CDON: variants seen among roughly 807,000 people sequenced by gnomAD.
CDON encodes cell adhesion associated, oncogene regulated, also known as cell adhesion molecule-related/down-regulated by oncogenes.
Under a neutral mutation model 120.9 loss-of-function variants are expected in CDON, and 73 were observed. The observed-to-expected ratio is 0.60, with a 90% CI of 0.50 to 0.73. The LOEUF (loss-of-function observed/expected upper bound fraction) is 0.73, where lower values mean the gene tolerates loss of function less well. Among genes scored for constraint, CDON ranks in the 30% least tolerant of loss-of-function variants. CDON has a pLI of 0.00. For synonymous variants in CDON, 566 were observed against 573.5 expected (o/e 0.99, Z 0.19); for missense variants, 1,470 against 1,587.3 (o/e 0.93, Z 1.26).
At position 125,961,877 on chromosome 11, in the gene CDON, A is replaced by G. The variant is rs746206383; in HGVS notation, c.3478T>C (p.Cys1160Arg). 3.1e-6 allele frequency: 5 copies of G among 1,614,094 alleles called. No individual in the cohort carries two copies. The highest frequency in any genetic ancestry group is 4.2e-6 in the Non-Finnish European group (5 of 1,180,032). Residue 1160 changes from cysteine to arginine, a missense_variant, in exon 19 of 20, where the codon TGC (cysteine) becomes CGC (arginine). Transcript: ENST00000531738. ...CAATCAGGGACTGCGGAAGTCAGGC[A>G]TACAGGCACCTTCACGTGACTGAGG... Reference protein sequence around the residue: ...KPLSHVKVPVCLTSAVPDCGQ... With the variant: ...KPLSHVKVPVRLTSAVPDCGQ...
At chr11:125,992,049 TGAGA>T (rs1250654651) in intron 14 of CDON, among the ~76,000 whole-genome samples, 1 of 152,104 alleles carries the variant, frequency 6.6e-6, no homozygotes, top group African/African-American at 2.4e-5. Context: ...GTGATGATGA[TGAGA>T]GAGAGAAAAA....
chr11:126,005,764 G>A lies in CDON; in HGVS notation c.1846C>T (p.Arg616Ter). The stretch of plus-strand genomic sequence containing the variant: ...GATAAACGACAAGACATTACCTTTC[G>A]ATACTTCACAAAGTAAGCATTGATG... Reference protein sequence around the residue: ...LPINAYFVKYRKLDDGVGMLG... With the variant: ...LPINAYFVKY Residue 616 changes from arginine to a stop codon, truncating the protein, a stop_gained, in exon 9 of 20, where the codon CGA becomes TGA. Coordinates refer to ENST00000531738, the MANE Select transcript of CDON (RefSeq NM_001378964.1). LOFTEE classifies it high-confidence loss of function. The A allele has an allele frequency of 1.9e-6, 3 of 1,613,002 alleles. No homozygotes were observed. The highest frequency in any genetic ancestry group is 2.5e-6 in the Non-Finnish European group (3 of 1,179,824).
rs139588649 is a variant in CDON, at chr11:125,961,011, T to G, written c.3726A>C (p.Thr1242=). 8.3e-4 allele frequency: 1,345 copies of G among 1,614,164 alleles called. 1 individual carries two copies. Among genetic ancestry groups the G allele is most frequent in the Non-Finnish European group, 9.6e-4 (1,127 of 1,179,994 alleles). ...PPVPEGCAEK[T]MWSPPGIPLD... is the part of the protein sequence containing the mutation. Reference sequence around the variant, plus strand: ...AAGGAATGCCAGGTGGAGACCACATTGTCTTCTCAGCACAGCCCTCGGGGA... The same window carrying G: ...AAGGAATGCCAGGTGGAGACCACATGGTCTTCTCAGCACAGCCCTCGGGGA... The change falls in exon 20 of 20, where the codon ACA becomes ACC. Residue 1242 remains threonine (T), a synonymous_variant. Coordinates refer to ENST00000531738, the MANE Select transcript of CDON (RefSeq NM_001378964.1).
chr11:126,032,702 G>A (rs541984583), intron 1 of CDON, among the ~76,000 whole-genome samples: 7 of 152,178 alleles, frequency 4.6e-5, no homozygotes, highest in Middle Eastern at 3.4e-3. Flanking sequence ...TTTAAGACAC[G>A]GTCATATTTA....
In CDON at chr11:125,978,364, G is replaced by T; in HGVS notation, c.3296C>A (p.Ala1099Asp). Reference sequence around the variant, plus strand: ...CTCCAGAGGGTCAATCTGAGGCACGGCCGTGTACATTCCACCACCCTGGAC... The same window carrying T: ...CTCCAGAGGGTCAATCTGAGGCACGTCCGTGTACATTCCACCACCCTGGAC... ...HLVNGGGMYT[A>D]VPQIDPLECV... is the part of the protein sequence containing the mutation. Residue 1099 changes from alanine to aspartate, a missense_variant, in exon 18 of 20, where the codon GCC becomes GAC. Coordinates refer to ENST00000531738, the MANE Select transcript of CDON (RefSeq NM_001378964.1). 6.2e-7 allele frequency: 1 copy of T among 1,608,322 alleles called. No individual in the cohort carries two copies. The highest frequency in any genetic ancestry group is 8.5e-7 in the Non-Finnish European group (1 of 1,176,206).
intron 14 of CDON, among the ~76,000 whole-genome samples, chr11:125,991,002 C>CT (rs1946617966): frequency 6.6e-6 from 1 of 152,098 alleles, no homozygotes; most frequent in African/African-American, 2.4e-5. Flanking sequence ...CAAAAAACTT[C>CT]TTTTTTTGTA....
In CDON at chr11:126,019,781, A is replaced by T; in HGVS notation, c.350-16T>A. On this transcript the variant is annotated splice_polypyrimidine_tract_variant and intron_variant, in intron 3 of 19. Coordinates refer to ENST00000531738, the MANE Select transcript of CDON (RefSeq NM_001378964.1). ...TCACCAAGAACTGAAATATATAAGG[A>T]AACAGATAAATAAATACATGCAAAT... is the stretch of plus-strand genomic sequence containing the variant. 6.3e-7 allele frequency: 1 copy of T among 1,599,644 alleles called. No individual in the cohort carries two copies. The highest frequency in any genetic ancestry group is 1.1e-5 in the South Asian group (1 of 90,758).
intron 1 of CDON, among the ~76,000 whole-genome samples, chr11:126,048,389 T>C (rs541121221): frequency 6.6e-6 from 1 of 152,254 alleles, no homozygotes; most frequent in South Asian, 2.1e-4. Flanking sequence ...CATCACACAT[T>C]GTATTAATCT....
intron 1 of CDON, among the ~76,000 whole-genome samples, chr11:126,045,576 A>C (rs1456508436): frequency 6.6e-6 from 1 of 152,174 alleles, no homozygotes; most frequent in Non-Finnish European, 1.5e-5. Flanking sequence ...GTTTTATAAG[A>C]TGTTTCCATT....
At chr11:126,057,571 A>G (rs1265024503) in intron 1 of CDON, among the ~76,000 whole-genome samples, 1 of 152,140 alleles carries the variant, frequency 6.6e-6, no homozygotes, top group East Asian at 1.9e-4. Context: ...GGCACCAGGG[A>G]GCTTTCTAAG....
At chr11:126,059,828 T>C (rs1254595675) in intron 1 of CDON, among the ~76,000 whole-genome samples, 1 of 151,688 alleles carries the variant, frequency 6.6e-6, no homozygotes, top group Admixed American at 6.6e-5. Flanking sequence ...ATTAATAATA[T>C]CACCTCAGGA....
rs559704671 is a variant in CDON at position 126,010,055 on chromosome 11, A to T, written c.1552+286T>A. Among the ~76,000 whole-genome samples the T allele has an allele frequency of 1.3e-4, 20 of 152,248 alleles. No individual in the cohort carries two copies. In the East Asian group the frequency reaches 3.9e-3, roughly 29 times the overall value. On this transcript the variant is annotated intron_variant, in intron 8 of 19. Transcript: ENST00000531738. ...AATATCATTTTCGGTAGCTTAGAAA[A>T]CCAAAAGCATTCATCTCAAAGACAG...
In CDON at chr11:125,959,146, G is replaced by A. The variant is rs1945571333; in HGVS notation, c.*1796C>T. On this transcript the variant is annotated 3_prime_UTR_variant, in exon 20 of 20. Coordinates refer to ENST00000531738, the MANE Select transcript of CDON (RefSeq NM_001378964.1). ...CTACTGGAAGTAACTCTTGCATAGT[G>A]ACCCAGCTTAAACAAGCACATTTTC... The A allele has an allele frequency of 6.6e-6, 1 of 152,144 alleles. No individual in the cohort carries two copies. Among genetic ancestry groups the A allele is most frequent in the Admixed American group, 6.6e-5 (1 of 15,266 alleles). The allele number at this position is 152,144 out of a possible 1,614,324, so 9.4% of individuals were successfully genotyped here.
chr11:125,961,151 G>A, intron 19 of CDON, 46 bp from the exon 20 acceptor site: 1 of 1,568,932 alleles, frequency 6.4e-7, no homozygotes, highest in Non-Finnish European at 8.7e-7. Context: ...GATAAAGGCT[G>A]ATTTTTACAA....
intron 14 of CDON, among the ~76,000 whole-genome samples, chr11:125,993,330 T>C (rs1217570171): frequency 6.6e-6 from 1 of 152,040 alleles, no homozygotes; most frequent in Non-Finnish European, 1.5e-5. Flanking sequence ...GGAGACAGAC[T>C]TTAAGCAAAT....
chr11:126,019,570 A>C (rs1359496623), intron 4 of CDON, 49 bp downstream of exon 4: 1 of 1,604,738 alleles, frequency 6.2e-7, no homozygotes, highest in Admixed American at 1.7e-5. Flanking sequence ...AGCTTATTTA[A>C]TGAGCATTTG....
At chr11:126,056,223 T>C (rs1948676879) in intron 1 of CDON, among the ~76,000 whole-genome samples, 1 of 152,228 alleles carries the variant, frequency 6.6e-6, no homozygotes, top group Admixed American at 6.5e-5. Flanking sequence ...GCAGCTCTAT[T>C]TGTTGGATAG....
intron 18 of CDON, among the ~76,000 whole-genome samples, chr11:125,971,249 G>A (rs190238994): frequency 6.6e-5 from 10 of 152,108 alleles, no homozygotes; most frequent in South Asian, 6.3e-4. Flanking sequence ...TGGGTGTGGT[G>A]GCGGGCACTT....
At chr11:125,976,533 AT>A in intron 18 of CDON, among the ~76,000 whole-genome samples, 1 of 143,488 alleles carries the variant, frequency 7.0e-6, no homozygotes, top group East Asian at 2.1e-4. Context: ...ACAATTGTTC[AT>A]TGTCTTAAAG....
Sources: allele counts gnomAD v4.1 joint callset (sites outside exome capture counted in the v4.1 genomes callset), GRCh38; gene constraint gnomAD v4.1.1; transcripts MANE v1.5; gene names NCBI Gene and HGNC (gene_info 2026-07-23, HGNC 2026-07-21).